PCDHAC2: variants seen among roughly 807,000 people sequenced by gnomAD.
The protein encoded by PCDHAC2 is protocadherin alpha-C2.
In PCDHAC2, 24 loss-of-function variants were observed where a neutral mutation model predicts 63.3. The observed-to-expected ratio is 0.38, with a 90% confidence interval of 0.27 to 0.53. The LOEUF (loss-of-function observed/expected upper bound fraction) is 0.53. Among genes scored for constraint, PCDHAC2 ranks in the 20% least tolerant of loss-of-function variants. The pLI, the probability that PCDHAC2 is intolerant of heterozygous loss-of-function variation, is 0.81. For synonymous variants in PCDHAC2, 569 were observed against 529.4 expected (o/e 1.07, Z -1.03); for missense variants, 1,181 against 1,275.2 (o/e 0.93, Z 1.12).
rs34755515 is a variant in PCDHAC2 at position 141,000,421 on chromosome 5, A to ATTT, written c.2714-9185_2714-9183dup. 5.4e-3 allele frequency among the ~76,000 whole-genome samples: 150 copies of ATTT among 27,982 alleles called. 11 individuals are homozygous for ATTT. Among genetic ancestry groups the ATTT allele is most frequent in the Non-Finnish European group, 6.0e-3 (106 of 17,660 alleles). The allele number at this position is 27,982 out of a possible 152,430, so 18.4% of individuals were successfully genotyped here. On this transcript the variant is annotated intron_variant, in intron 3 of 3. Coordinates refer to ENST00000289269, the MANE Select transcript of PCDHAC2 (RefSeq NM_018899.6). ...TATATATATATATATATATATATAT[A>ATTT]TTTTTTTTTTTTTTTTTTTTTTTGA...
chr5:141,011,085 T>C lies in PCDHAC2; in HGVS notation c.*1148T>C, dbSNP rs2098419298. The C allele has an allele frequency of 6.5e-6, 1 of 153,776 alleles. No homozygotes were observed. Among genetic ancestry groups the C allele is most frequent in the Non-Finnish European group, 1.5e-5 (1 of 68,046 alleles). The allele number at this position is 153,776 out of a possible 1,614,324, so 9.5% of individuals were successfully genotyped here. A position where few individuals can be genotyped will look rare whatever the true frequency, so the allele number is the denominator to read the frequency against. ...ATGTATTACTAAATAAAATGATCTC[T>C]CTTTCTCTCTCTCTCTCTCTTTTCT... On this transcript the variant is annotated 3_prime_UTR_variant, in exon 4 of 4. Transcript: ENST00000289269.
chr5:140,983,054 G>A (rs933321433), intron 3 of PCDHAC2, among the ~76,000 whole-genome samples: 1 of 151,858 alleles, frequency 6.6e-6, no homozygotes. Flanking sequence ...GAAAATTATC[G>A]GAACCAAGGC....
chr5:140,972,854 G>A (rs895738831), intron 1 of PCDHAC2, among the ~76,000 whole-genome samples: 4 of 151,946 alleles, frequency 2.6e-5, no homozygotes, highest in Non-Finnish European at 4.4e-5. Flanking sequence ...AGTAGAGATG[G>A]GGTTTCATCA....
intron 3 of PCDHAC2, among the ~76,000 whole-genome samples, chr5:140,984,861 C>T (rs1163314869): frequency 6.6e-6 from 1 of 151,870 alleles, no homozygotes; most frequent in Non-Finnish European, 1.5e-5. Flanking sequence ...ATAATAACAC[C>T]TATTTTATTG....
chr5:140,981,755 A>G (rs868964961), intron 2 of PCDHAC2, among the ~76,000 whole-genome samples: 12 of 152,222 alleles, frequency 7.9e-5, no homozygotes, highest in Admixed American at 3.3e-4. Context: ...TTAGTATTAG[A>G]CATACATAAA....
chr5:140,992,393 A>G (rs2097508684), intron 3 of PCDHAC2, among the ~76,000 whole-genome samples: 1 of 152,180 alleles, frequency 6.6e-6, no homozygotes, highest in African/African-American at 2.4e-5. Context: ...TTCTGGACTT[A>G]GAGATATTGT....
intron 3 of PCDHAC2, among the ~76,000 whole-genome samples, chr5:140,985,246 T>C (rs2097143888): frequency 6.6e-6 from 1 of 152,110 alleles, no homozygotes; most frequent in African/African-American, 2.4e-5. Flanking sequence ...CTAATCTTCT[T>C]ACTCTTTTTT....
intron 3 of PCDHAC2, among the ~76,000 whole-genome samples, chr5:140,994,104 T>C (rs1356172498): frequency 6.6e-6 from 1 of 152,210 alleles, no homozygotes; most frequent in Non-Finnish European, 1.5e-5. Context: ...ATGGAAATAT[T>C]ACATTGTCAT....
chr5:140,976,788 G>A (rs969853431), intron 1 of PCDHAC2, among the ~76,000 whole-genome samples: 4 of 152,218 alleles, frequency 2.6e-5, no homozygotes, highest in Middle Eastern at 3.4e-3. Flanking sequence ...ATATAGCTAC[G>A]CTTTTATGAA....
At position 140,967,051 on chromosome 5, in the gene PCDHAC2, G is replaced by T; in HGVS notation, c.285G>T (p.Thr95=). The T allele has an allele frequency of 7.4e-6, 12 of 1,612,562 alleles. No homozygotes were observed. The highest frequency in any genetic ancestry group is 9.3e-6 in the Non-Finnish European group (11 of 1,179,638). The change falls in exon 1 of 4, where the codon ACG becomes ACT. Residue 95 remains threonine, a synonymous_variant. Coordinates refer to ENST00000289269, the MANE Select transcript of PCDHAC2 (RefSeq NM_018899.6). The stretch of plus-strand genomic sequence containing the variant: ...CGCGCTACCTGGAGCTGGACCTGAC[G>T]AGTGGAGCGCTCTTCGTCAACGAGC... ...PSPRYLELDL[T]SGALFVNERI...
At chr5:140,998,721 C>T (rs987484967) in intron 3 of PCDHAC2, among the ~76,000 whole-genome samples, 3 of 152,084 alleles carry the variant, frequency 2.0e-5, no homozygotes, top group Non-Finnish European at 2.9e-5. Context: ...TGCACCACCA[C>T]GCTAGGCTAA....
rs1586226034 is a variant in PCDHAC2 at position 140,967,556 on chromosome 5, G to A, written c.790G>A (p.Val264Ile). ...SPAFDQSTYR[V>I]QLREDSPPGT... is the part of the protein sequence containing the mutation. Reference sequence around the variant, plus strand: ...TGCCTTTGACCAGTCCACTTATCGCGTCCAGCTACGGGAGGACTCACCCCC... The same window carrying A: ...TGCCTTTGACCAGTCCACTTATCGCATCCAGCTACGGGAGGACTCACCCCC... Residue 264 changes from valine (V) to isoleucine (I), a missense_variant, in exon 1 of 4, where the codon GTC (valine) becomes ATC (isoleucine). Around this residue, in one of 3 missense-constraint regions of PCDHAC2, gnomAD observed 968 missense variants for 1,073.5 expected, o/e 0.90. Coordinates refer to ENST00000289269, the MANE Select transcript of PCDHAC2 (RefSeq NM_018899.6). 6.2e-7 allele frequency: 1 copy of A among 1,614,030 alleles called. No homozygotes were observed. The highest frequency in any genetic ancestry group is 2.2e-5 in the East Asian group (1 of 44,872).
At chr5:140,988,483 C>T (rs2097299555) in intron 3 of PCDHAC2, among the ~76,000 whole-genome samples, 2 of 152,030 alleles carry the variant, frequency 1.3e-5, no homozygotes, top group African/African-American at 4.8e-5. Context: ...AATTAGCATC[C>T]CCTACCTAGG....
At position 141,010,031 on chromosome 5, in the gene PCDHAC2, A is replaced by C; in HGVS notation, c.*94A>C. On this transcript the variant is annotated 3_prime_UTR_variant, in exon 4 of 4. Transcript: ENST00000289269. Reference sequence around the variant, plus strand: ...TTCCCTGCTCCTTTTTCCTATCTACATGAGCCCTCTTAGAGACCTCAGAAA... The same window carrying C: ...TTCCCTGCTCCTTTTTCCTATCTACCTGAGCCCTCTTAGAGACCTCAGAAA... 4 of 1,581,690 alleles carry C rather than the reference A, an allele frequency of 2.5e-6. No individual in the cohort carries two copies. Among genetic ancestry groups the C allele is most frequent in the South Asian group, 1.2e-5 (1 of 84,422 alleles).
At chr5:140,982,364 T>A in intron 2 of PCDHAC2, 111 bp from the exon 3 acceptor site, 1 of 1,534,660 alleles carries the variant, frequency 6.5e-7, no homozygotes, top group Non-Finnish European at 8.8e-7. Flanking sequence ...ATGAGCAGAA[T>A]GTGTTAGCTG....
In PCDHAC2 at chr5:140,968,234, A is replaced by T. The variant is rs1426230655; in HGVS notation, c.1468A>T (p.Thr490Ser). The change falls in exon 1 of 4, where the codon ACT (threonine) becomes TCT (serine). Residue 490 changes from threonine (T) to serine (S), a missense_variant. Physicochemically the swap from Thr to Ser is moderately conservative, Grantham distance 58. Transcript: ENST00000289269. ...CAATTTGCCAGGTGTGTTGCTCTGT[A>T]CTGTGCAAGCCACAGACCCAGATGA... ...ENNLPGVLLC[T>S]VQATDPDEKE... is the part of the protein sequence containing the mutation. The T allele has an allele frequency of 6.2e-7, 1 of 1,613,870 alleles. No homozygotes were observed. The highest frequency in any genetic ancestry group is 8.5e-7 in the Non-Finnish European group (1 of 1,180,020).
intron 1 of PCDHAC2, among the ~76,000 whole-genome samples, chr5:140,974,079 G>A (rs1554235799): frequency 6.6e-6 from 1 of 152,180 alleles, no homozygotes. Flanking sequence ...CTATAACCAT[G>A]ACTTCAAAAA....
In PCDHAC2 at chr5:141,010,151, C is replaced by T. The variant is rs1554262715; in HGVS notation, c.*214C>T. 1 of 1,578,076 alleles carries T rather than the reference C, an allele frequency of 6.3e-7. No homozygotes were observed. Among genetic ancestry groups the T allele is most frequent in the South Asian group, 1.1e-5 (1 of 87,432 alleles). On this transcript the variant is annotated 3_prime_UTR_variant, in exon 4 of 4. Transcript: ENST00000289269. The stretch of plus-strand genomic sequence containing the variant: ...CTGGTGTTAACTCTTTCTCTCCACT[C>T]TGGCTTGTTTTCAGAACCTAAAAAG...
At chr5:140,984,976 C>A (rs905264957) in intron 3 of PCDHAC2, among the ~76,000 whole-genome samples, 8 of 151,910 alleles carry the variant, frequency 5.3e-5, no homozygotes, top group African/African-American at 1.9e-4. Flanking sequence ...CTCGCTCTGT[C>A]CCCCAGGCTG....
Sources: gnomAD v4.1 joint callset for allele counts (sites outside exome capture counted in the v4.1 genomes callset) on GRCh38, gnomAD v4.1.1 for gene constraint, gnomAD v4.1.1 regional missense constraint, MANE v1.5 for transcripts, NCBI Gene and HGNC (gene_info 2026-07-23, HGNC 2026-07-21) for gene names.